The following ANKRD42 variants were observed in gnomAD, a reference collection of about 807,000 sequenced individuals.
ANKRD42 encodes ankyrin repeat domain 42, also known as ankyrin repeat domain-containing protein 42.
In ANKRD42, 43 loss-of-function variants were observed where a neutral mutation model predicts 51.5. That is an observed-to-expected ratio of 0.83 (90% CI 0.65 to 1.08). The LOEUF is 1.08. ANKRD42 is among the 50% of genes least tolerant of loss of function. ANKRD42 has a pLI of 0.00. For missense variants in ANKRD42, 608 were observed against 629.3 expected, an observed-to-expected ratio of 0.97 and a Z score of 0.36; for synonymous variants, 203 against 213.0, an observed-to-expected ratio of 0.95 and a Z score of 0.41.
downstream of ANKRD42, chr11:83,257,446 G>C (rs657438): frequency 2.6e-6 from 1 of 388,582 alleles, no homozygotes; most frequent in East Asian, 7.3e-5. Context: ...AGCCATAGTT[G>C]TTTTTTGGTC....
chr11:83,225,944 G>T (rs1862868967), intron 6 of ANKRD42, among the ~76,000 whole-genome samples: 1 of 151,768 alleles, frequency 6.6e-6, no homozygotes, highest in Admixed American at 6.6e-5. Context: ...TATATGAGTT[G>T]GGGTCTCACT....
At chr11:83,195,580 A>G (rs146740337) in intron 1 of ANKRD42, among the ~76,000 whole-genome samples, 4 of 152,242 alleles carry the variant, frequency 2.6e-5, no homozygotes, top group Admixed American at 2.6e-4. Flanking sequence ...TTTTATATCT[A>G]TATATCCTCT....
intron 11 of ANKRD42, among the ~76,000 whole-genome samples, chr11:83,254,430 CTTTTCTTTTTTT>C (rs1489499225): frequency 1.5e-5 from 2 of 130,412 alleles, no homozygotes; most frequent in African/African-American, 3.0e-5. Flanking sequence ...TTTCTTTTTT[CTTTTCTTTTTTT>C]TTTTTTTGAG....
intron 7 of ANKRD42, among the ~76,000 whole-genome samples, chr11:83,234,639 A>G (rs1488587102): frequency 6.6e-6 from 1 of 152,216 alleles, no homozygotes; most frequent in Non-Finnish European, 1.5e-5. Flanking sequence ...ATGTTGGGCT[A>G]AATTCATTCT....
chr11:83,242,948 A>C (rs1386769213), intron 9 of ANKRD42, among the ~76,000 whole-genome samples: 1 of 152,094 alleles, frequency 6.6e-6, no homozygotes, highest in Non-Finnish European at 1.5e-5. Flanking sequence ...GCTGCGATGA[A>C]CATGTGTGCA....
At chr11:83,236,260 G>T (rs763785403) in intron 7 of ANKRD42, 144 bp from the exon 8 acceptor site, 98 of 517,756 alleles carry the variant, frequency 1.9e-4, no homozygotes, top group South Asian at 1.4e-3. Context: ...AATAATATTT[G>T]CCCAATGTAC....
At chr11:83,246,573 A>G (rs1002617181) in intron 10 of ANKRD42, among the ~76,000 whole-genome samples, 1 of 152,102 alleles carries the variant, frequency 6.6e-6, no homozygotes, top group African/African-American at 2.4e-5. Context: ...CAGGAGAGGG[A>G]ACTTTGGATT....
chr11:83,217,150 A>C (rs1035444441), intron 5 of ANKRD42, among the ~76,000 whole-genome samples: 1 of 152,162 alleles, frequency 6.6e-6, no homozygotes, highest in African/African-American at 2.4e-5. Context: ...GCCCAAAGGC[A>C]AGTAATAGTA....
At chr11:83,253,646 AAT>A (rs955836150), downstream of ANKRD42, among the ~76,000 whole-genome samples, 5 of 152,240 alleles carry the variant, frequency 3.3e-5, no homozygotes, top group African/African-American at 9.6e-5. Flanking sequence ...TTAGTATCTT[AAT>A]ATACAGTTCT....
chr11:83,217,687 C>T (rs763540796), intron 5 of ANKRD42, among the ~76,000 whole-genome samples: 1 of 152,182 alleles, frequency 6.6e-6, no homozygotes, highest in African/African-American at 2.4e-5. Flanking sequence ...GCCCAGAGGG[C>T]CTTTGTCCTC....
Position 83,214,358 on chromosome 11 carries a change from C to T in ANKRD42, c.586+2928C>T, listed in dbSNP as rs923822964. On this transcript the variant is annotated intron_variant, in intron 5 of 10. Coordinates refer to ENST00000533342, the MANE Select transcript of ANKRD42 (RefSeq NM_001300975.2). ...CCAATCCTCCTAGAACTGACTTTTC[C>T]GTGTGTAATACAAGGTAGGGGTCAG... 9.0e-6 allele frequency: 8 copies of T among 887,706 alleles called. No homozygotes were observed. The South Asian group carries it at 1.6e-4, about 17-fold the overall frequency. 55.0% of individuals were successfully genotyped at this position (887,706 alleles called of 1,614,324 possible). A position where few individuals can be genotyped will look rare whatever the true frequency, so the allele number is the denominator to read the frequency against.
chr11:83,245,577 A>C lies in ANKRD42; in HGVS notation c.1275A>C (p.Ile425=). 6.5e-7 allele frequency: 1 copy of C among 1,536,726 alleles called. No individual in the cohort carries two copies. The highest frequency in any genetic ancestry group is 8.7e-7 in the Non-Finnish European group (1 of 1,147,016). ...GCAACTATAAACACTTGGGAGGCAT[A>C]ACAGAAGAAGATTTAAAGCAGAAGA... ...AESNYKHLGG[I]TEEDLKQKKE... The change falls in exon 10 of 11, where the codon ATA becomes ATC. Residue 425 remains isoleucine (I), a synonymous_variant. Transcript: ENST00000533342.
chr11:83,202,277 T>G (rs1377452269), intron 2 of ANKRD42, among the ~76,000 whole-genome samples: 1 of 152,172 alleles, frequency 6.6e-6, no homozygotes, highest in Admixed American at 6.5e-5. Context: ...AAAGTCAGAT[T>G]TGTTGAAGAT....
rs144700077 is a variant in ANKRD42 at position 83,207,638 on chromosome 11, A to G, written c.330+1473A>G. 1.1e-4 allele frequency among the ~76,000 whole-genome samples: 17 copies of G among 152,348 alleles called. No individual in the cohort carries two copies. In the East Asian group the frequency reaches 2.7e-3, roughly 24 times the overall value. On this transcript the variant is annotated intron_variant, in intron 3 of 10. Coordinates refer to ENST00000533342, the MANE Select transcript of ANKRD42 (RefSeq NM_001300975.2). ...GAGATTTATTGTGTGTTAGTCTCTC[A>G]TGTATCATTTCATCCAACACAAACA...
chr11:83,223,140 C>T (rs1862765489), intron 5 of ANKRD42, among the ~76,000 whole-genome samples: 1 of 152,122 alleles, frequency 6.6e-6, no homozygotes, highest in Non-Finnish European at 1.5e-5. Context: ...ATCCCAGCTA[C>T]TTGGGAGGCT....
At chr11:83,222,982 G>A (rs959976596) in intron 5 of ANKRD42, among the ~76,000 whole-genome samples, 8 of 152,132 alleles carry the variant, frequency 5.3e-5, no homozygotes, top group African/African-American at 1.9e-4. Flanking sequence ...GGGCATGGTG[G>A]CCCATGCTTG....
At chr11:83,241,658 T>C (rs1863391689) in intron 9 of ANKRD42, among the ~76,000 whole-genome samples, 1 of 152,192 alleles carries the variant, frequency 6.6e-6, no homozygotes, top group African/African-American at 2.4e-5. Flanking sequence ...AGTCAGATCA[T>C]GTAGGGCCTA....
At chr11:83,219,250 C>G (rs566534629) in intron 5 of ANKRD42, among the ~76,000 whole-genome samples, 2 of 152,196 alleles carry the variant, frequency 1.3e-5, no homozygotes, top group African/African-American at 4.8e-5. Flanking sequence ...TGCTTACCAG[C>G]GGGATGGAAA....
downstream of ANKRD42, among the ~76,000 whole-genome samples, chr11:83,258,537 T>A (rs941485002): frequency 1.2e-4 from 18 of 152,138 alleles, 1 homozygote; most frequent in Non-Finnish European, 5.9e-5. Flanking sequence ...GACAAGTTAC[T>A]TCACTTGGCT....
Sources: gnomAD v4.1 joint callset for allele counts (sites outside exome capture counted in the v4.1 genomes callset) on GRCh38, gnomAD v4.1.1 for gene constraint, MANE v1.5 for transcripts, NCBI Gene and HGNC (gene_info 2026-07-23, HGNC 2026-07-21) for gene names.